Variants in ADGRB3 observed in about 807,000 individuals in gnomAD.
ADGRB3 encodes the protein adhesion G protein-coupled receptor B3.
In ADGRB3, 37 loss-of-function variants were observed where a neutral mutation model predicts 193.4. The ratio of observed to expected loss-of-function variants is 0.19; its 90% CI spans 0.15 to 0.25. The LOEUF (loss-of-function observed/expected upper bound fraction) is 0.25. Among genes scored for constraint, ADGRB3 ranks in the 10% least tolerant of loss-of-function variants. The probability of loss-of-function intolerance (pLI) is 1.00; values close to 1 mark genes in which losing one functional copy is unlikely to be tolerated. For missense variants in ADGRB3, 1,637 were observed against 1,852.9 expected (o/e 0.88, Z 2.14); for synonymous variants, 690 against 644.2 (o/e 1.07, Z -1.08).
chr6:69,158,473 A>C (rs970657920), intron 17 of ADGRB3, among the ~76,000 whole-genome samples: 5 of 151,938 alleles, frequency 3.3e-5, no homozygotes, highest in African/African-American at 1.2e-4. Flanking sequence ...AGGCTTAAGC[A>C]GTCTCAGAAT....
chr6:69,207,727 T>C (rs553317262), intron 17 of ADGRB3, among the ~76,000 whole-genome samples: 54 of 152,264 alleles, frequency 3.5e-4, no homozygotes, highest in Non-Finnish European at 7.1e-4. Flanking sequence ...TGCTTCAAGA[T>C]GATGGGGAAC....
intron 3 of ADGRB3, among the ~76,000 whole-genome samples, chr6:68,701,874 C>G (rs943856421): frequency 1.3e-5 from 2 of 152,140 alleles, no homozygotes; most frequent in Admixed American, 6.6e-5. Context: ...ATCCACTATC[C>G]TAATTACTCT....
intron 3 of ADGRB3, among the ~76,000 whole-genome samples, chr6:68,707,993 C>T (rs772652297): frequency 5.9e-5 from 9 of 152,152 alleles, no homozygotes; most frequent in Non-Finnish European, 1.2e-4. Flanking sequence ...GAGACACAGA[C>T]AAGCACCCCA....
chr6:69,088,362 TTTG>T (rs756093597), intron 17 of ADGRB3, among the ~76,000 whole-genome samples: 207 of 152,176 alleles, frequency 1.4e-3, no homozygotes, highest in African/African-American at 4.7e-3. Flanking sequence ...TATGTGTTTC[TTTG>T]TTGTTGTTGT....
At chr6:69,012,609 C>T (rs1032011632) in intron 11 of ADGRB3, among the ~76,000 whole-genome samples, 3 of 152,050 alleles carry the variant, frequency 2.0e-5, no homozygotes, top group African/African-American at 7.2e-5. Context: ...CTAAAACAGA[C>T]TTGCAGGTTT....
intron 20 of ADGRB3, among the ~76,000 whole-genome samples, chr6:69,244,445 C>G (rs1258891285): frequency 1.3e-5 from 2 of 152,128 alleles, no homozygotes; most frequent in East Asian, 3.9e-4. Context: ...ACTATTTGTC[C>G]CATGACTTTC....
At chr6:69,220,707 AG>A (rs1334258161) in intron 17 of ADGRB3, among the ~76,000 whole-genome samples, 1 of 152,164 alleles carries the variant, frequency 6.6e-6, no homozygotes. Context: ...TACGCCATTG[AG>A]GGTTCAGCGC....
At chr6:69,006,026 G>A (rs1769739255) in intron 11 of ADGRB3, among the ~76,000 whole-genome samples, 1 of 152,046 alleles carries the variant, frequency 6.6e-6, no homozygotes, top group South Asian at 2.1e-4. Flanking sequence ...GGGCCTCTTG[G>A]TCTTGCTTGA....
At chr6:68,749,408 A>ATGTGTGTGTGTGTG (rs60078030) in intron 3 of ADGRB3, among the ~76,000 whole-genome samples, 12 of 136,564 alleles carry the variant, frequency 8.8e-5, no homozygotes, top group Admixed American at 6.0e-4. Flanking sequence ...ATATATATAT[A>ATGTGTGTGTGTGTG]TGTGTGTGTG....
rs375255522 is a variant in ADGRB3, at chr6:68,868,911, A to ATGTGTGTGTGTGTGTGTGTG, written c.758-61637_758-61618dup. ...CTGGAAATAGGACTTCCAGATAATG[A>ATGTGTGTGTGTGTGTGTGTG]TGTGTGTGTGTGTGTGTGTGTGTGT... is the stretch of plus-strand genomic sequence containing the variant. On this transcript the variant is annotated intron_variant, in intron 3 of 31. Coordinates refer to ENST00000370598, the MANE Select transcript of ADGRB3 (RefSeq NM_001704.3). Among the ~76,000 whole-genome samples the ATGTGTGTGTGTGTGTGTGTG allele has an allele frequency of 1.4e-4, 19 of 139,846 alleles. No homozygotes were observed. The East Asian group carries it at 1.5e-3, about 11-fold the overall frequency. The allele number at this position is 139,846 out of a possible 152,430, so 91.7% of individuals were successfully genotyped here.
At chr6:68,917,801 A>G (rs1766924578) in intron 3 of ADGRB3, among the ~76,000 whole-genome samples, 1 of 152,192 alleles carries the variant, frequency 6.6e-6, no homozygotes, top group Non-Finnish European at 1.5e-5. Flanking sequence ...TAAAAAATAA[A>G]GACCACTACT....
At position 68,635,931 on chromosome 6, in the gene ADGRB3, A is replaced by G. The variant is rs1008191442; in HGVS notation, c.-257A>G. On this transcript the variant is annotated 5_prime_UTR_variant, in exon 1 of 32. Transcript: ENST00000370598. ...GGGACCGAAGGGGAGTCTCTCCGTCACTGTTGCTGGGACGCGTGCCTGTGC... is the reference window on the plus strand; with the variant it reads ...GGGACCGAAGGGGAGTCTCTCCGTCGCTGTTGCTGGGACGCGTGCCTGTGC... 6.6e-6 allele frequency: 1 copy of G among 152,628 alleles called. No homozygotes were observed. Among genetic ancestry groups the G allele is most frequent in the Non-Finnish European group, 1.5e-5 (1 of 68,196 alleles). 9.5% of individuals were successfully genotyped at this position (152,628 alleles called of 1,614,324 possible). A position where few individuals can be genotyped will look rare whatever the true frequency, so the allele number is the denominator to read the frequency against.
intron 20 of ADGRB3, among the ~76,000 whole-genome samples, chr6:69,248,433 T>A (rs1766544812): frequency 6.6e-6 from 1 of 152,058 alleles, no homozygotes. Context: ...TCTCTCAGGG[T>A]GAATATGAGG....
Position 69,338,897 on chromosome 6 carries a change from G to A in ADGRB3, c.3189-19G>A. The A allele has an allele frequency of 6.2e-7, 1 of 1,602,704 alleles. No individual in the cohort carries two copies. The highest frequency in any genetic ancestry group is 1.7e-5 in the Admixed American group (1 of 58,566). ...ATTCAATATTTTGTTCTTTTTGTGG[G>A]TGTTCTGTTTGTTTGCAGTCAGATG... On this transcript the variant is annotated intron_variant, in intron 24 of 31. Transcript: ENST00000370598.
Position 68,815,952 on chromosome 6 carries a change from T to C in ADGRB3, c.758-114607T>C, listed in dbSNP as rs116596519. On this transcript the variant is annotated intron_variant, in intron 3 of 31. Coordinates refer to ENST00000370598, the MANE Select transcript of ADGRB3 (RefSeq NM_001704.3). ...GTAGTATAGGCAGATATGGGGAAGGTATCTTACAACATACTTTCTTCTGTC... is the reference window on the plus strand; with the variant it reads ...GTAGTATAGGCAGATATGGGGAAGGCATCTTACAACATACTTTCTTCTGTC... Among the ~76,000 whole-genome samples, 668 of 152,114 alleles carry C rather than the reference T, an allele frequency of 4.4e-3. 6 individuals carry two copies. The highest frequency in any genetic ancestry group is 0.015 in the African/African-American group (622 of 41,530).
chr6:69,067,335 C>T (rs531792262), intron 16 of ADGRB3, among the ~76,000 whole-genome samples: 2 of 152,136 alleles, frequency 1.3e-5, no homozygotes, highest in South Asian at 4.1e-4. Flanking sequence ...ATGAAGCTAA[C>T]AAATTAAGAA....
At chr6:68,871,140 T>TA (rs565532270) in intron 3 of ADGRB3, among the ~76,000 whole-genome samples, 44 of 152,154 alleles carry the variant, frequency 2.9e-4, no homozygotes, top group South Asian at 8.3e-4. Context: ...ACAGAAATGA[T>TA]AAAAAAAGAA....
chr6:69,323,527 G>A (rs118038254), intron 20 of ADGRB3, among the ~76,000 whole-genome samples: 2,423 of 152,052 alleles, frequency 0.016, 30 homozygotes, highest in Non-Finnish European at 0.025. Flanking sequence ...ATTTTTATAA[G>A]CAGAAACAAG....
At chr6:68,934,923 T>C (rs1219490995) in intron 4 of ADGRB3, among the ~76,000 whole-genome samples, 1 of 152,176 alleles carries the variant, frequency 6.6e-6, no homozygotes, top group Non-Finnish European at 1.5e-5. Flanking sequence ...TGAAGGGTTA[T>C]CTATACATTA....
Sources: gnomAD v4.1 joint callset for allele counts (sites outside exome capture counted in the v4.1 genomes callset) on GRCh38, gnomAD v4.1.1 for gene constraint, MANE v1.5 for transcripts, NCBI Gene and HGNC (gene_info 2026-07-23, HGNC 2026-07-21) for gene names.